The following ADCY1 variants were observed in gnomAD, a reference collection of about 807,000 sequenced individuals.
ADCY1 encodes adenylate cyclase type 1.
Under a neutral mutation model 105.4 loss-of-function variants are expected in ADCY1, and 28 were observed. That is an observed-to-expected ratio of 0.27 (90% CI 0.20 to 0.36). The LOEUF (loss-of-function observed/expected upper bound fraction) is 0.36, where lower values mean the gene tolerates loss of function less well. ADCY1 is among the 10% of genes least tolerant of loss of function. ADCY1 has a pLI of 1.00. For missense variants in ADCY1, 977 were observed against 1,434.2 expected (o/e 0.68, Z 5.15); for synonymous variants, 655 against 623.8 (o/e 1.05, Z -0.75).
intron 2 of ADCY1, among the ~76,000 whole-genome samples, chr7:45,595,406 C>T (rs771136201): frequency 6.6e-6 from 1 of 152,210 alleles, no homozygotes; most frequent in Non-Finnish European, 1.5e-5. Context: ...TGGTTTCCAA[C>T]TTTCTCCCTC....
At chr7:45,681,242 A>G (rs1267218943) in intron 11 of ADCY1, among the ~76,000 whole-genome samples, 1 of 152,204 alleles carries the variant, frequency 6.6e-6, no homozygotes. Flanking sequence ...TTAATAAGGG[A>G]GCTGCCCTCA....
chr7:45,617,794 G>A (rs1396941674), intron 3 of ADCY1, among the ~76,000 whole-genome samples: 2 of 152,168 alleles, frequency 1.3e-5, no homozygotes, highest in African/African-American at 2.4e-5. Flanking sequence ...TTACTAAAAT[G>A]ACTGTAATAC....
chr7:45,690,098 G>T (rs953140918), intron 14 of ADCY1, among the ~76,000 whole-genome samples: 1 of 152,206 alleles, frequency 6.6e-6, no homozygotes, highest in Non-Finnish European at 1.5e-5. Flanking sequence ...ATCCACAGGG[G>T]CCCTGAGGAA....
At chr7:45,588,687 C>T (rs146110660) in intron 1 of ADCY1, among the ~76,000 whole-genome samples, 73 of 152,186 alleles carry the variant, frequency 4.8e-4, no homozygotes, top group African/African-American at 1.7e-3. Context: ...CTGCCTTTTC[C>T]GAGCATGCTG....
chr7:45,616,811 C>G (rs780245507), intron 3 of ADCY1, among the ~76,000 whole-genome samples: 27 of 152,108 alleles, frequency 1.8e-4, no homozygotes, highest in Admixed American at 6.5e-5. Flanking sequence ...GAAGTCCTGC[C>G]CAGAGCAATT....
intron 1 of ADCY1, 72 bp from the exon 2 acceptor site, chr7:45,592,687 C>G (rs1584254136): frequency 6.3e-7 from 1 of 1,594,986 alleles, no homozygotes; most frequent in South Asian, 1.1e-5. Context: ...GCTATGCTCT[C>G]CGGGCGGCCT....
Position 45,686,343 on chromosome 7 carries a change from T to C in ADCY1, c.2327+128T>C, listed in dbSNP as rs1784673492. On this transcript the variant is annotated intron_variant, in intron 13 of 19. Coordinates refer to ENST00000297323, the MANE Select transcript of ADCY1 (RefSeq NM_021116.4). The surrounding 1 kb of genome is among the most constrained non-coding windows in gnomAD (Gnocchi z 4.3). ...TGAATTGTATACACAATTTTTAGTT[T>C]GGTGGCTGCTTCTCTTCAACCCAAG... 6.9e-7 allele frequency: 1 copy of C among 1,439,522 alleles called. No homozygotes were observed. Among genetic ancestry groups the C allele is most frequent in the African/African-American group, 1.4e-5 (1 of 70,106 alleles). The allele number at this position is 1,439,522 out of a possible 1,614,324, so 89.2% of individuals were successfully genotyped here. A position where few individuals can be genotyped will look rare whatever the true frequency, so the allele number is the denominator to read the frequency against.
rs376386435 is a variant in ADCY1 at position 45,708,497 on chromosome 7, T to C, written c.2932+33T>C. ...GCTCTAAACCTATCCTGTCCATCCATGTGGAACACCTTCCTACACCCACCT... is the reference window on the plus strand; with the variant it reads ...GCTCTAAACCTATCCTGTCCATCCACGTGGAACACCTTCCTACACCCACCT... On this transcript the variant is annotated intron_variant, in intron 18 of 19. Transcript: ENST00000297323. The surrounding 1 kb of genome is among the most constrained non-coding windows in gnomAD (Gnocchi z 4.7). 8.5e-6 allele frequency: 13 copies of C among 1,525,368 alleles called. No homozygotes were observed. Among genetic ancestry groups the C allele is most frequent in the Non-Finnish European group, 1.2e-5 (13 of 1,100,042 alleles). 94.5% of individuals were successfully genotyped at this position (1,525,368 alleles called of 1,614,324 possible).
chr7:45,654,022 A>G (rs1794878137), intron 5 of ADCY1, among the ~76,000 whole-genome samples: 1 of 152,228 alleles, frequency 6.6e-6, no homozygotes, highest in South Asian at 2.1e-4. Context: ...ATGGAGAAAC[A>G]GTGTTTGCAT....
intron 4 of ADCY1, among the ~76,000 whole-genome samples, chr7:45,641,089 C>T (rs1383447538): frequency 6.6e-6 from 1 of 152,138 alleles, no homozygotes; most frequent in African/African-American, 2.4e-5. Flanking sequence ...CTCATGGAAG[C>T]CAGCCCAGGA....
chr7:45,677,336 C>G (rs1784474517), intron 8 of ADCY1, among the ~76,000 whole-genome samples: 1 of 152,182 alleles, frequency 6.6e-6, no homozygotes, highest in Non-Finnish European at 1.5e-5. Context: ...AAATTAGACT[C>G]TATTTTCCTT....
At chr7:45,634,186 A>G (rs1256678700) in intron 4 of ADCY1, among the ~76,000 whole-genome samples, 1 of 152,158 alleles carries the variant, frequency 6.6e-6, no homozygotes, top group Non-Finnish European at 1.5e-5. Context: ...AAATGAAGAC[A>G]GATTTTCTTC....
At position 45,714,242 on chromosome 7, in the gene ADCY1, G is replaced by A. The variant is rs1336538682; in HGVS notation, c.*247G>A. On this transcript the variant is annotated 3_prime_UTR_variant, in exon 20 of 20. Coordinates refer to ENST00000297323, the MANE Select transcript of ADCY1 (RefSeq NM_021116.4). Reference sequence around the variant, plus strand: ...GCACACTTCCAGGCCTCCCTGGAGAGGTGTCCACTCCATCCTTCCCTCCGT... The same window carrying A: ...GCACACTTCCAGGCCTCCCTGGAGAAGTGTCCACTCCATCCTTCCCTCCGT... The A allele has an allele frequency of 3.9e-5, 21 of 537,742 alleles. No individual in the cohort carries two copies. The highest frequency in any genetic ancestry group is 6.6e-5 in the Non-Finnish European group (20 of 303,444). 33.3% of individuals were successfully genotyped at this position (537,742 alleles called of 1,614,324 possible). A position where few individuals can be genotyped will look rare whatever the true frequency, so the allele number is the denominator to read the frequency against.
In ADCY1 at chr7:45,686,764, C is replaced by T; in HGVS notation, c.2454+91C>T. ...CATCTGACGGGGGCTGCCACAGACACCCACACGCCGTATGGCCCTCGGAGG... is the reference window on the plus strand; with the variant it reads ...CATCTGACGGGGGCTGCCACAGACATCCACACGCCGTATGGCCCTCGGAGG... On this transcript the variant is annotated intron_variant, in intron 14 of 19. Coordinates refer to ENST00000297323, the MANE Select transcript of ADCY1 (RefSeq NM_021116.4). This position sits in a 1 kb window ranked among gnomAD's most constrained non-coding sequence, Gnocchi z 4.3. The T allele has an allele frequency of 2.7e-6, 4 of 1,497,040 alleles. No homozygotes were observed. Among genetic ancestry groups the T allele is most frequent in the African/African-American group, 1.4e-5 (1 of 72,480 alleles). The allele number at this position is 1,497,040 out of a possible 1,614,324, so 92.7% of individuals were successfully genotyped here. A position where few individuals can be genotyped will look rare whatever the true frequency, so the allele number is the denominator to read the frequency against.
chr7:45,685,966 G>C lies in ADCY1; in HGVS notation c.2078G>C (p.Gly693Ala). Residue 693 changes from glycine (G) to alanine (A), a missense_variant, in exon 13 of 20, where the codon GGC (glycine) becomes GCC (alanine). Transcript: ENST00000297323. The stretch of plus-strand genomic sequence containing the variant: ...CTGTGACCCCTCCCTTCCCAGGTGG[G>C]CTGCCTGCCTTGGGCCTGGAGCTCC... ...IYSVAQGCVV[G>A]CLPWAWSSKP... 1 of 1,611,386 alleles carries C rather than the reference G, an allele frequency of 6.2e-7. No homozygotes were observed. The highest frequency in any genetic ancestry group is 1.3e-5 in the African/African-American group (1 of 74,992).
intron 4 of ADCY1, among the ~76,000 whole-genome samples, chr7:45,625,202 G>A (rs190025162): frequency 8.5e-5 from 13 of 152,240 alleles, no homozygotes; most frequent in Admixed American, 7.2e-4. Context: ...TATGGGCGGG[G>A]GCTCTGGGCC....
At chr7:45,615,080 T>A (rs1014373672) in intron 3 of ADCY1, among the ~76,000 whole-genome samples, 2 of 152,204 alleles carry the variant, frequency 1.3e-5, no homozygotes, top group Admixed American at 6.5e-5. Context: ...ATACACATTC[T>A]TCTCAAGTGC....
At chr7:45,582,335 G>A (rs1026566659) in intron 1 of ADCY1, among the ~76,000 whole-genome samples, 12 of 152,124 alleles carry the variant, frequency 7.9e-5, no homozygotes, top group African/African-American at 1.9e-4. Context: ...CTCCAGCTCC[G>A]TGACCTTGGC....
rs1584355496 is a variant in ADCY1 at position 45,722,114 on chromosome 7, C to T, written c.*8119C>T. ...CCCACCCAACTCTGGGCCCCAGGCACACGAAGCACAAGTCTCAGGGGACCA... is the reference window on the plus strand; with the variant it reads ...CCCACCCAACTCTGGGCCCCAGGCATACGAAGCACAAGTCTCAGGGGACCA... On this transcript the variant is annotated 3_prime_UTR_variant, in exon 20 of 20. Transcript: ENST00000297323. The T allele has an allele frequency of 3.1e-6, 1 of 323,400 alleles. No homozygotes were observed. Among genetic ancestry groups the T allele is most frequent in the Non-Finnish European group, 5.6e-6 (1 of 178,074 alleles). 20.0% of individuals were successfully genotyped at this position (323,400 alleles called of 1,614,324 possible).
Sources: allele counts gnomAD v4.1 joint callset (sites outside exome capture counted in the v4.1 genomes callset), GRCh38; gene constraint gnomAD v4.1.1; non-coding constraint Gnocchi (gnomAD v3.1); transcripts MANE v1.5; gene names NCBI Gene and HGNC (gene_info 2026-07-23, HGNC 2026-07-21).